ARHGAP35: variants seen among roughly 807,000 people sequenced by gnomAD.
ARHGAP35 encodes the protein rho GTPase-activating protein 35.
In ARHGAP35, 15 loss-of-function variants were observed where a neutral mutation model predicts 111.1. The observed-to-expected ratio is 0.13, with a 90% CI of 0.09 to 0.21. The LOEUF is 0.21. ARHGAP35 is among the 10% of genes least tolerant of loss of function. The probability of loss-of-function intolerance (pLI) is 1.00; values close to 1 mark genes in which losing one functional copy is unlikely to be tolerated. For missense variants in ARHGAP35, 1,262 were observed against 1,873.0 expected, an observed-to-expected ratio of 0.67 and a Z score of 6.02; for synonymous variants, 643 against 710.3, an observed-to-expected ratio of 0.91 and a Z score of 1.51.
chr19:46,958,062 C>G (rs1388637522), intron 3 of ARHGAP35, among the ~76,000 whole-genome samples: 1 of 151,348 alleles, frequency 6.6e-6, no homozygotes, highest in African/African-American at 2.4e-5. Context: ...AGCCATCATG[C>G]CTGGCCACCA....
At chr19:46,878,637 T>G (rs888058045) in intron 1 of ARHGAP35, among the ~76,000 whole-genome samples, 3 of 151,952 alleles carry the variant, frequency 2.0e-5, no homozygotes, top group Non-Finnish European at 2.9e-5. Flanking sequence ...TTCCTTTGTT[T>G]TTGTTGTTGT....
chr19:46,978,675 T>TTGTGTGGGGGGATGTG (rs2056596172), intron 3 of ARHGAP35, among the ~76,000 whole-genome samples: 1 of 23,742 alleles, frequency 4.2e-5, no homozygotes, highest in African/African-American at 2.2e-4. Context: ...GTGGTGGGGT[T>TTGTGTGGGGGGATGTG]TGTGTGGTGG....
chr19:46,965,510 G>A (rs1568481903), intron 3 of ARHGAP35, among the ~76,000 whole-genome samples: 1 of 150,418 alleles, frequency 6.6e-6, no homozygotes, highest in African/African-American at 2.5e-5. Flanking sequence ...TTTGAGACAG[G>A]GTCTCACTTT....
intron 3 of ARHGAP35, among the ~76,000 whole-genome samples, chr19:46,938,481 T>G (rs2056323833): frequency 6.6e-6 from 1 of 150,928 alleles, no homozygotes; most frequent in Admixed American, 6.6e-5. Context: ...AGCCTCTGAG[T>G]AGCTGGGATT....
Position 46,920,834 on chromosome 19 carries a change from A to G in ARHGAP35, c.2159A>G (p.Gln720Arg). The part of the protein sequence containing the change: ...SGETLHSLIQ[Q>R]GQQIASKLQC... ...GAGACTCTGCATAGCTTAATACAGC[A>G]AGGTCAACAAATTGCTAGCAAACTT... is the stretch of plus-strand genomic sequence containing the variant. The change falls in exon 2 of 7, where the codon CAA (glutamine) becomes CGA (arginine). Residue 720 changes from glutamine (Q) to arginine (R), a missense_variant. Transcript: ENST00000672722. The surrounding 1 kb of genome is among the most constrained non-coding windows in gnomAD (Gnocchi z 7.0). The G allele has an allele frequency of 6.2e-7, 1 of 1,613,310 alleles. No individual in the cohort carries two copies.
intron 1 of ARHGAP35, among the ~76,000 whole-genome samples, chr19:46,896,854 TA>T (rs2056059689): frequency 6.6e-6 from 1 of 152,162 alleles, no homozygotes; most frequent in Non-Finnish European, 1.5e-5. Flanking sequence ...ATGGACCAGC[TA>T]AAAATGTTCA....
intron 1 of ARHGAP35, among the ~76,000 whole-genome samples, chr19:46,903,174 C>A (rs1475129625): frequency 6.6e-6 from 1 of 152,082 alleles, no homozygotes; most frequent in Non-Finnish European, 1.5e-5. Context: ...GAGACACATG[C>A]AATAGTGAAG....
chr19:46,941,610 C>G lies in ARHGAP35; in HGVS notation c.3826+4202C>G, dbSNP rs375806143. On this transcript the variant is annotated intron_variant, in intron 3 of 6. Coordinates refer to ENST00000672722, the MANE Select transcript of ARHGAP35 (RefSeq NM_004491.5). Reference sequence around the variant, plus strand: ...AGAGAGAAAGAGACAGGGTCTCGCTCTGTTGCCCAGTCTGGAGTGCAGTGG... The same window carrying G: ...AGAGAGAAAGAGACAGGGTCTCGCTGTGTTGCCCAGTCTGGAGTGCAGTGG... 2.7e-5 allele frequency among the ~76,000 whole-genome samples: 4 copies of G among 148,930 alleles called. No individual in the cohort carries two copies. In the East Asian group the frequency reaches 6.3e-4, roughly 23 times the overall value.
At chr19:46,865,722 A>G (rs369376808) in intron 1 of ARHGAP35, among the ~76,000 whole-genome samples, 2 of 152,156 alleles carry the variant, frequency 1.3e-5, no homozygotes, top group South Asian at 4.1e-4. Flanking sequence ...CTGCTTCCCA[A>G]CTTTGGTCCA....
intron 2 of ARHGAP35, among the ~76,000 whole-genome samples, chr19:46,927,668 A>G (rs2056246492): frequency 6.6e-6 from 1 of 152,216 alleles, no homozygotes; most frequent in Admixed American, 6.5e-5. Context: ...GGTACGTGTC[A>G]GGCATTTTCA....
intron 3 of ARHGAP35, among the ~76,000 whole-genome samples, chr19:46,942,782 A>G (rs1420170759): frequency 6.8e-6 from 1 of 148,056 alleles, no homozygotes; most frequent in Non-Finnish European, 1.5e-5. Flanking sequence ...CACCACTGCA[A>G]TCCAGCCTGG....
chr19:46,883,192 T>C (rs1029951426), intron 1 of ARHGAP35, among the ~76,000 whole-genome samples: 5 of 152,004 alleles, frequency 3.3e-5, no homozygotes, highest in Non-Finnish European at 7.4e-5. Flanking sequence ...CCTCCGAGGT[T>C]CAAGCGATCC....
intron 5 of ARHGAP35, among the ~76,000 whole-genome samples, chr19:46,997,171 A>G (rs1459191760): frequency 6.6e-6 from 1 of 152,188 alleles, no homozygotes; most frequent in Non-Finnish European, 1.5e-5. Context: ...AAAGAAAAAA[A>G]GAAAGTGCCC....
Position 47,001,114 on chromosome 19 carries a change from C to T in ARHGAP35, c.*426C>T, listed in dbSNP as rs1013177230. ...CTGGCAACCCCTGAAGAGAACACTT[C>T]CTGTTGGTCTGTCTCTTCCCACCTT... is the stretch of plus-strand genomic sequence containing the variant. On this transcript the variant is annotated 3_prime_UTR_variant, in exon 7 of 7. Coordinates refer to ENST00000672722, the MANE Select transcript of ARHGAP35 (RefSeq NM_004491.5). The surrounding 1 kb of genome is among the most constrained non-coding windows in gnomAD (Gnocchi z 5.4). 15 of 1,244,508 alleles carry T rather than the reference C, an allele frequency of 1.2e-5. No homozygotes were observed. The highest frequency in any genetic ancestry group is 4.1e-6 in the Non-Finnish European group (4 of 971,944). The allele number at this position is 1,244,508 out of a possible 1,614,324, so 77.1% of individuals were successfully genotyped here.
chr19:46,875,644 C>G (rs575946657), intron 1 of ARHGAP35, among the ~76,000 whole-genome samples: 1 of 152,012 alleles, frequency 6.6e-6, no homozygotes, highest in Non-Finnish European at 1.5e-5. Context: ...TTGCCACAGT[C>G]TTTTTATTTT....
intron 3 of ARHGAP35, among the ~76,000 whole-genome samples, chr19:46,984,578 C>G (rs754848017): frequency 6.6e-6 from 1 of 152,196 alleles, no homozygotes; most frequent in Non-Finnish European, 1.5e-5. Context: ...ATAAATTGCA[C>G]TAGCCAAGCA....
chr19:46,921,838 G>GATC lies in ARHGAP35; in HGVS notation c.3164_3166dup (p.Asp1055_Leu1056insHis), dbSNP rs1376645674. On this transcript the variant is annotated inframe_insertion, in exon 2 of 7. Coordinates refer to ENST00000672722, the MANE Select transcript of ARHGAP35 (RefSeq NM_004491.5). This position sits in a 1 kb window ranked among gnomAD's most constrained non-coding sequence, Gnocchi z 4.3. Reference sequence around the variant, plus strand: ...TGTCCATTTTGAAATTACAAAGGGGGATCTATCTTATTTAGACCAAGGCCA... The same window carrying GATC: ...TGTCCATTTTGAAATTACAAAGGGGGATCATCTATCTTATTTAGACCAAGGCCA... The GATC allele has an allele frequency of 1.9e-6, 3 of 1,613,972 alleles. No homozygotes were observed. The highest frequency in any genetic ancestry group is 2.5e-6 in the Non-Finnish European group (3 of 1,179,886).
At chr19:46,902,795 C>G (rs763136335) in intron 1 of ARHGAP35, among the ~76,000 whole-genome samples, 1 of 152,126 alleles carries the variant, frequency 6.6e-6, no homozygotes, top group Admixed American at 6.6e-5. Flanking sequence ...CAAGGAACAA[C>G]AAGTTATCAC....
chr19:46,999,853 C>T lies in ARHGAP35; in HGVS notation c.4142+444C>T, dbSNP rs534522574. The T allele has an allele frequency of 9.3e-6, 2 of 214,302 alleles. No homozygotes were observed. The highest frequency in any genetic ancestry group is 1.1e-4 in the East Asian group (1 of 8,848). The allele number at this position is 214,302 out of a possible 1,614,324, so 13.3% of individuals were successfully genotyped here. A position where few individuals can be genotyped will look rare whatever the true frequency, so the allele number is the denominator to read the frequency against. On this transcript the variant is annotated intron_variant, in intron 6 of 6. Coordinates refer to ENST00000672722, the MANE Select transcript of ARHGAP35 (RefSeq NM_004491.5). The surrounding 1 kb of genome is among the most constrained non-coding windows in gnomAD (Gnocchi z 5.4). The stretch of plus-strand genomic sequence containing the variant: ...TGGGGAGAACCGGGACACTGCACCT[C>T]GAGAGATGTGCTGCAGGAGACAGCC...
Sources: gnomAD v4.1 joint callset for allele counts (sites outside exome capture counted in the v4.1 genomes callset) on GRCh38, gnomAD v4.1.1 for gene constraint, Gnocchi (gnomAD v3.1) non-coding constraint, MANE v1.5 for transcripts, NCBI Gene and HGNC (gene_info 2026-07-23, HGNC 2026-07-21) for gene names.